CACNG2: variants seen among roughly 807,000 people sequenced by gnomAD.
The protein encoded by CACNG2 is calcium voltage-gated channel auxiliary subunit gamma 2.
CACNG2 carries 3 observed loss-of-function variants against 25.9 expected under a neutral mutation model. That is an observed-to-expected ratio of 0.12 (90% CI 0.05 to 0.30). The LOEUF (loss-of-function observed/expected upper bound fraction) is 0.30, where lower values mean the gene tolerates loss of function less well. CACNG2 is among the 10% of genes least tolerant of loss of function. CACNG2 has a pLI of 1.00. For synonymous variants in CACNG2, 167 were observed against 173.3 expected, an observed-to-expected ratio of 0.96 and a Z score of 0.29; for missense variants, 341 against 432.5, an observed-to-expected ratio of 0.79 and a Z score of 1.88.
At chr22:36,643,569 A>G (rs1316768514) in intron 1 of CACNG2, among the ~76,000 whole-genome samples, 1 of 152,088 alleles carries the variant, frequency 6.6e-6, no homozygotes, top group Non-Finnish European at 1.5e-5. Flanking sequence ...TACAATCACA[A>G]AACAAAGGAT....
intron 1 of CACNG2, among the ~76,000 whole-genome samples, chr22:36,657,055 G>A (rs1018484076): frequency 4.6e-5 from 7 of 152,096 alleles, no homozygotes; most frequent in African/African-American, 1.4e-4. Flanking sequence ...AGAAGTGCTC[G>A]ACAGTGATTT....
chr22:36,569,419 G>T (rs929533025), intron 2 of CACNG2, among the ~76,000 whole-genome samples: 1 of 152,202 alleles, frequency 6.6e-6, no homozygotes, highest in Admixed American at 6.5e-5. Context: ...GTGCCACAGG[G>T]CCTGGAGAAC....
intron 1 of CACNG2, among the ~76,000 whole-genome samples, chr22:36,646,062 C>T (rs1329262394): frequency 6.6e-6 from 1 of 152,150 alleles, no homozygotes; most frequent in Non-Finnish European, 1.5e-5. Flanking sequence ...ATGTGCTGAG[C>T]TCACCCACCC....
At chr22:36,633,043 C>T (rs1225371877) in intron 1 of CACNG2, among the ~76,000 whole-genome samples, 1 of 152,240 alleles carries the variant, frequency 6.6e-6, no homozygotes, top group African/African-American at 2.4e-5. Flanking sequence ...ACTGTTCTCT[C>T]TACCTAGAAC....
intron 1 of CACNG2, among the ~76,000 whole-genome samples, chr22:36,592,683 T>A (rs1935615032): frequency 6.6e-6 from 1 of 152,158 alleles, no homozygotes; most frequent in Non-Finnish European, 1.5e-5. Flanking sequence ...ATGATGAGGC[T>A]GTTATGAGCT....
At chr22:36,623,653 G>C (rs1936141678) in intron 1 of CACNG2, among the ~76,000 whole-genome samples, 1 of 152,068 alleles carries the variant, frequency 6.6e-6, no homozygotes. Flanking sequence ...AAGAGTGAGG[G>C]TTGAGCCACT....
chr22:36,607,713 A>G (rs1603501519), intron 1 of CACNG2, among the ~76,000 whole-genome samples: 1 of 152,190 alleles, frequency 6.6e-6, no homozygotes, highest in Middle Eastern at 3.2e-3. Flanking sequence ...TTTCCAGGCC[A>G]AAGACACACC....
intron 1 of CACNG2, among the ~76,000 whole-genome samples, chr22:36,664,083 T>A (rs1281172118): frequency 6.6e-6 from 1 of 152,102 alleles, no homozygotes; most frequent in Non-Finnish European, 1.5e-5. Flanking sequence ...TGGCTGGACA[T>A]TACATGAGGG....
At chr22:36,568,506 G>A (rs1935166375) in intron 2 of CACNG2, among the ~76,000 whole-genome samples, 1 of 151,990 alleles carries the variant, frequency 6.6e-6, no homozygotes, top group African/African-American at 2.4e-5. Context: ...CCAGGTTCAA[G>A]CGATTCTCCT....
At position 36,682,572 on chromosome 22, in the gene CACNG2, A is replaced by G. The variant is rs143147859; in HGVS notation, c.211+19794T>C. On this transcript the variant is annotated intron_variant, in intron 1 of 3. Transcript: ENST00000300105. Reference sequence around the variant, plus strand: ...GCTACTCAATGGTGACTTGTATAGAACCTGAAGTTCTTAGGAGGATGGACA... The same window carrying G: ...GCTACTCAATGGTGACTTGTATAGAGCCTGAAGTTCTTAGGAGGATGGACA... Among the ~76,000 whole-genome samples the G allele has an allele frequency of 7.7e-4, 112 of 145,254 alleles. 1 individual carries two copies. In the East Asian group the frequency reaches 0.023, roughly 29 times the overall value.
Position 36,650,801 on chromosome 22 carries a change from T to C in CACNG2, c.211+51565A>G, listed in dbSNP as rs541489237. On this transcript the variant is annotated intron_variant, in intron 1 of 3. Coordinates refer to ENST00000300105, the MANE Select transcript of CACNG2 (RefSeq NM_006078.5). ...TCCCAGAATGCTGGGATTTTAGGCA[T>C]GAGCCACCGCGCCTGGCCCTCTTTG... 3.3e-5 allele frequency among the ~76,000 whole-genome samples: 5 copies of C among 152,342 alleles called. No homozygotes were observed. The East Asian group carries it at 5.8e-4, about 18-fold the overall frequency.
At chr22:36,569,415 C>T (rs1603500308) in intron 2 of CACNG2, among the ~76,000 whole-genome samples, 1 of 152,208 alleles carries the variant, frequency 6.6e-6, no homozygotes, top group African/African-American at 2.4e-5. Context: ...GTGAGTGCCA[C>T]AGGGCCTGGA....
At chr22:36,621,668 C>T (rs1936107865) in intron 1 of CACNG2, among the ~76,000 whole-genome samples, 2 of 152,120 alleles carry the variant, frequency 1.3e-5, no homozygotes, top group Admixed American at 6.5e-5. Flanking sequence ...GAGCTTCCCT[C>T]TTGCCTTTCT....
At chr22:36,673,759 C>T (rs563344212) in intron 1 of CACNG2, among the ~76,000 whole-genome samples, 11 of 152,110 alleles carry the variant, frequency 7.2e-5, no homozygotes, top group Non-Finnish European at 1.0e-4. Flanking sequence ...GAGGCCCTCA[C>T]GTGGACAGAG....
At chr22:36,569,243 A>C (rs1935184074) in intron 2 of CACNG2, among the ~76,000 whole-genome samples, 1 of 152,158 alleles carries the variant, frequency 6.6e-6, no homozygotes, top group South Asian at 2.1e-4. Context: ...ACAGTCCGGC[A>C]GGGTGTGTTT....
chr22:36,575,328 A>C (rs189276599), intron 2 of CACNG2, among the ~76,000 whole-genome samples: 1 of 152,188 alleles, frequency 6.6e-6, no homozygotes, highest in Non-Finnish European at 1.5e-5. Flanking sequence ...GTTCTTTGCA[A>C]ATCTGCTTTT....
chr22:36,646,867 G>T lies in CACNG2; in HGVS notation c.211+55499C>A, dbSNP rs1345341137. Among the ~76,000 whole-genome samples, 5 of 151,430 alleles carry T rather than the reference G, an allele frequency of 3.3e-5. No individual in the cohort carries two copies. The East Asian group carries it at 9.8e-4, about 30-fold the overall frequency. On this transcript the variant is annotated intron_variant, in intron 1 of 3. Coordinates refer to ENST00000300105, the MANE Select transcript of CACNG2 (RefSeq NM_006078.5). Reference sequence around the variant, plus strand: ...ATAATAAATGAAGGAAAGAATAAATGAATGAGCTAGGTCCTGCTCACTTCA... The same window carrying T: ...ATAATAAATGAAGGAAAGAATAAATTAATGAGCTAGGTCCTGCTCACTTCA...
intron 2 of CACNG2, among the ~76,000 whole-genome samples, chr22:36,576,634 A>G (rs1035531086): frequency 9.2e-5 from 14 of 152,034 alleles, no homozygotes; most frequent in African/African-American, 3.4e-4. Flanking sequence ...GAAAGACCTC[A>G]AAGAAGAAAG....
At chr22:36,608,015 G>A (rs1935870844) in intron 1 of CACNG2, among the ~76,000 whole-genome samples, 1 of 152,156 alleles carries the variant, frequency 6.6e-6, no homozygotes, top group Non-Finnish European at 1.5e-5. Flanking sequence ...CTCCAACTTT[G>A]CACCTTGCTT....
Sources: allele counts gnomAD v4.1 joint callset (sites outside exome capture counted in the v4.1 genomes callset), GRCh38; gene constraint gnomAD v4.1.1; transcripts MANE v1.5; gene names NCBI Gene and HGNC (gene_info 2026-07-23, HGNC 2026-07-21).